C4orf50: variants seen among roughly 807,000 people sequenced by gnomAD.
C4orf50 encodes the protein chromosome 4 open reading frame 50, also known as uncharacterized protein C4orf50.
Under a neutral mutation model 77.2 loss-of-function variants are expected in C4orf50, and 80 were observed. The observed-to-expected ratio is 1.04, with a 90% CI of 0.87 to 1.25. The LOEUF is 1.25. Among genes scored for constraint, C4orf50 ranks in the 50% most tolerant of loss-of-function variants. C4orf50 has a pLI of 0.00. For synonymous variants in C4orf50, 532 were observed against 465.3 expected (o/e 1.14, Z -1.84); for missense variants, 1,257 against 1,152.9 (o/e 1.09, Z -1.31).
chr4:5,994,522 A>G, intron 25 of C4orf50, 46 bp from the exon 4 acceptor site: 1 of 399,180 alleles, frequency 2.5e-6, no homozygotes, highest in East Asian at 3.6e-5. Flanking sequence ...GTCCTGGCTG[A>G]AGTGTGTACT....
chr4:5,973,679 G>A (rs761884283), exon 31 of C4orf50: 4 of 1,613,204 alleles, frequency 2.5e-6, no homozygotes, highest in Admixed American at 1.7e-5. Context: ...CCCGGAGCCA[G>A]GAAGGTGGCC....
At chr4:5,950,898 G>GATGA (rs918940604) in intron 7 of C4orf50, among the ~76,000 whole-genome samples, 2 of 152,182 alleles carry the variant, frequency 1.3e-5, no homozygotes, top group African/African-American at 2.4e-5. Flanking sequence ...TGGATGGGTG[G>GATGA]ATGAATGAAT....
At chr4:5,927,517 T>C (rs1717570171) in intron 7 of C4orf50, among the ~76,000 whole-genome samples, 1 of 151,882 alleles carries the variant, frequency 6.6e-6, no homozygotes, top group Non-Finnish European at 1.5e-5. Context: ...AGGGACCTAG[T>C]AGGAGGTGAT....
At position 5,941,793 on chromosome 4, in the gene C4orf50, C is replaced by T. The variant is rs529023208; in HGVS notation, c.*2474+15108G>A. ...ACTCAAGGTCACACAGGGATTGGAACTAAGGTTGGCCTGGCGCCAGGCCAA... is the reference window on the plus strand; with the variant it reads ...ACTCAAGGTCACACAGGGATTGGAATTAAGGTTGGCCTGGCGCCAGGCCAA... On this transcript the variant is annotated intron_variant, in intron 7 of 7. Coordinates refer to the C4orf50 transcript ENST00000324058. Among the ~76,000 whole-genome samples, 88 of 152,236 alleles carry T rather than the reference C, an allele frequency of 5.8e-4. 1 individual carries two copies. Among genetic ancestry groups the T allele is most frequent in the Non-Finnish European group, 4.3e-4 (29 of 68,010 alleles).
At chr4:5,946,051 G>C (rs973632100) in intron 7 of C4orf50, among the ~76,000 whole-genome samples, 2 of 152,228 alleles carry the variant, frequency 1.3e-5, no homozygotes, top group African/African-American at 4.8e-5. Context: ...CAGAGGCCAG[G>C]CTCCTCTATG....
rs767156839 is a variant in C4orf50 at position 6,017,725 on chromosome 4, TA to T, written c.287+419del. ...CCATGCTTCTGTCTGCCAGTTCCCCTAAAAAAATCACCCCAAACCGACCAAC... is the reference window on the plus strand; with the variant it reads ...CCATGCTTCTGTCTGCCAGTTCCCCTAAAAAATCACCCCAAACCGACCAAC... On this transcript the variant is annotated intron_variant, in intron 23 of 33. Coordinates refer to ENST00000531445, the Ensembl canonical transcript of C4orf50. The surrounding 1 kb of genome is among the most constrained non-coding windows in gnomAD (Gnocchi z 4.7). Among the ~76,000 whole-genome samples the T allele has an allele frequency of 3.9e-5, 6 of 152,062 alleles. No homozygotes were observed. The highest frequency in any genetic ancestry group is 1.2e-4 in the African/African-American group (5 of 41,410).
At chr4:5,936,389 C>T (rs577190729) in intron 7 of C4orf50, among the ~76,000 whole-genome samples, 11 of 152,040 alleles carry the variant, frequency 7.2e-5, no homozygotes, top group Non-Finnish European at 1.5e-4. Flanking sequence ...TGGTGAAACC[C>T]TGTCTCTACT....
At position 5,965,099 on chromosome 4, in the gene C4orf50, G is replaced by A. The variant is rs778068541; in HGVS notation, c.4200C>T (p.Ser1400=). ...TAGGCCAGGACTCTGAAGACAATGA[G>A]CTTTGGAGGACACTGTCCATTTCAG... The change falls in exon 33 of 34, where the codon AGC becomes AGT. Residue 1400 remains serine, a synonymous_variant. Transcript: ENST00000531445. 1.4e-5 allele frequency: 23 copies of A among 1,613,524 alleles called. No homozygotes were observed. The South Asian group carries it at 2.4e-4, about 17-fold the overall frequency.
chr4:5,955,915 G>A (rs1472651716), downstream of C4orf50, among the ~76,000 whole-genome samples: 1 of 152,220 alleles, frequency 6.6e-6, no homozygotes, highest in Non-Finnish European at 1.5e-5. The surrounding 1 kb of genome is among the most constrained non-coding windows in gnomAD (Gnocchi z 5.1). Flanking sequence ...GCACCCCCAA[G>A]CTCTGCAAGT....
At chr4:5,918,723 G>A (rs971035614) in intron 7 of C4orf50, among the ~76,000 whole-genome samples, 8 of 152,162 alleles carry the variant, frequency 5.3e-5, no homozygotes, top group South Asian at 4.1e-4. Flanking sequence ...ACCTCTCTCC[G>A]CCCTTCTGCA....
In C4orf50 at chr4:5,945,234, C is replaced by T. The variant is rs142887935; in HGVS notation, c.*2474+11667G>A. 4.4e-3 allele frequency among the ~76,000 whole-genome samples: 677 copies of T among 152,278 alleles called. 4 individuals carry two copies. The highest frequency in any genetic ancestry group is 0.015 in the African/African-American group (624 of 41,564). ...GGAGAGGGTTTCCCTTAGTAAGCAGCATTCGGATTTGACTGCCTGGCACCG... is the reference window on the plus strand; with the variant it reads ...GGAGAGGGTTTCCCTTAGTAAGCAGTATTCGGATTTGACTGCCTGGCACCG... On this transcript the variant is annotated intron_variant, in intron 7 of 7. Coordinates refer to the C4orf50 transcript ENST00000324058.
chr4:5,960,553 A>G (rs1321477976), intron 33 of C4orf50, among the ~76,000 whole-genome samples: 3 of 152,240 alleles, frequency 2.0e-5, no homozygotes, highest in African/African-American at 7.2e-5. Context: ...GGAATCGGCG[A>G]TCACTATGTG....
At position 5,973,659 on chromosome 4, in the gene C4orf50, C is replaced by CT. The variant is rs1324829914; in HGVS notation, c.4103dup (p.Thr1369AspfsTer10). On this transcript the variant is annotated frameshift_variant and splice_region_variant, in exon 31 of 34. Coordinates refer to ENST00000531445, the Ensembl canonical transcript of C4orf50. LOFTEE classifies it high-confidence loss of function. ...GACAGGGCCATCTCTGGGACTCTACCTCTGGGACTCCCGGAGCCAGGAAGG... is the reference window on the plus strand; with the variant it reads ...GACAGGGCCATCTCTGGGACTCTACCTTCTGGGACTCCCGGAGCCAGGAAGG... 6.2e-7 allele frequency: 1 copy of CT among 1,610,392 alleles called. No individual in the cohort carries two copies. The highest frequency in any genetic ancestry group is 1.1e-5 in the South Asian group (1 of 90,578).
chr4:5,971,532 G>A (rs1026314376), intron 31 of C4orf50, among the ~76,000 whole-genome samples: 1 of 152,120 alleles, frequency 6.6e-6, no homozygotes, highest in Non-Finnish European at 1.5e-5. Context: ...CTGGTCCACG[G>A]AAGCGTGTCC....
intron 7 of C4orf50, among the ~76,000 whole-genome samples, chr4:5,913,931 A>C (rs562479327): frequency 3.3e-5 from 5 of 152,354 alleles, no homozygotes; most frequent in Non-Finnish European, 5.9e-5. Flanking sequence ...TCTTCTATGA[A>C]GACAAAGATT....
Position 5,970,661 on chromosome 4 carries a change from G to T in C4orf50, c.4104+2998C>A, listed in dbSNP as rs1384892296. 6.6e-6 allele frequency among the ~76,000 whole-genome samples: 1 copy of T among 152,208 alleles called. No individual in the cohort carries two copies. The highest frequency in any genetic ancestry group is 1.5e-5 in the Non-Finnish European group (1 of 68,038). ...ACGCACCCAAACCAGGACAAGAAAA[G>T]AAAATGGAAATACAAAGACTCAGTC... is the stretch of plus-strand genomic sequence containing the variant. On this transcript the variant is annotated intron_variant, in intron 31 of 33. Transcript: ENST00000531445. This position sits in a 1 kb window ranked among gnomAD's most constrained non-coding sequence, Gnocchi z 4.3.
intron 32 of C4orf50, among the ~76,000 whole-genome samples, chr4:5,965,348 G>A (rs1330993120): frequency 6.6e-6 from 1 of 152,212 alleles, no homozygotes; most frequent in African/African-American, 2.4e-5. Flanking sequence ...GTGCTGTCAT[G>A]ATCTTGGGGC....
At chr4:5,991,271 G>T (rs1414765462) in intron 27 of C4orf50, among the ~76,000 whole-genome samples, 1 of 152,180 alleles carries the variant, frequency 6.6e-6, no homozygotes, top group African/African-American at 2.4e-5. Context: ...AAAATGTAAA[G>T]TAATTAAATC....
chr4:5,929,132 C>T (rs114889383), intron 7 of C4orf50, among the ~76,000 whole-genome samples: 1 of 152,150 alleles, frequency 6.6e-6, no homozygotes, highest in African/African-American at 2.4e-5. Context: ...CATTTCCAGG[C>T]AGTTGGACAT....
Sources: allele counts gnomAD v4.1 joint callset (sites outside exome capture counted in the v4.1 genomes callset), GRCh38; gene constraint gnomAD v4.1.1; non-coding constraint Gnocchi (gnomAD v3.1); transcripts MANE v1.5; gene names NCBI Gene and HGNC (gene_info 2026-07-23, HGNC 2026-07-21).